Variants in GABRA3 observed in about 807,000 individuals in gnomAD.
GABRA3 encodes the protein gamma-aminobutyric acid receptor subunit alpha-3.
A neutral mutation model predicts 30.1 loss-of-function variants in GABRA3; 10 were observed. That is an observed-to-expected ratio of 0.33 (90% CI 0.20 to 0.56). The LOEUF (loss-of-function observed/expected upper bound fraction) is 0.56, where lower values mean the gene tolerates loss of function less well. GABRA3 is among the 20% of genes least tolerant of loss of function. The pLI, the probability that GABRA3 is intolerant of heterozygous loss-of-function variation, is 0.89. For synonymous variants in GABRA3, 151 were observed against 146.8 expected (o/e 1.03, Z -0.21); for missense variants, 233 against 392.0 (o/e 0.59, Z 3.42).
intron 1 of GABRA3, among the ~76,000 whole-genome samples, chrX:152,398,038 T>A (rs916245376): frequency 1.8e-5 from 2 of 111,692 alleles, no homozygotes; most frequent in Non-Finnish European, 3.8e-5. Flanking sequence ...TGACTTTAGT[T>A]ATAATCTCTT....
intron 1 of GABRA3, among the ~76,000 whole-genome samples, chrX:152,430,561 C>T (rs1230045032): frequency 9.0e-6 from 1 of 111,426 alleles, no homozygotes; most frequent in African/African-American, 3.3e-5. Context: ...GCCTCAAAAA[C>T]TTGACCTTTG....
chrX:152,253,632 T>A (rs962348439), intron 5 of GABRA3, among the ~76,000 whole-genome samples: 1 of 111,978 alleles, frequency 8.9e-6, no homozygotes, highest in African/African-American at 3.2e-5. Flanking sequence ...CTATTTCAGC[T>A]GTTTCTTAAT....
At chrX:152,232,718 C>A (rs1236576680) in intron 5 of GABRA3, among the ~76,000 whole-genome samples, 1 of 107,185 alleles carries the variant, frequency 9.3e-6, no homozygotes, top group Non-Finnish European at 1.9e-5. Context: ...TCCAATCATC[C>A]ATTAATGTAC....
At chrX:152,414,438 C>T (rs772827426) in intron 1 of GABRA3, among the ~76,000 whole-genome samples, 2 of 111,105 alleles carry the variant, frequency 1.8e-5, no homozygotes, top group East Asian at 2.8e-4. Context: ...ATAAGATTCT[C>T]GGCATCACAT....
At chrX:152,245,422 C>A (rs1938447480) in intron 5 of GABRA3, among the ~76,000 whole-genome samples, 1 of 111,129 alleles carries the variant, frequency 9.0e-6, no homozygotes. Flanking sequence ...AACCAAGCAG[C>A]ACATTAGTCA....
intron 6 of GABRA3, among the ~76,000 whole-genome samples, chrX:152,211,442 T>C (rs756534862): frequency 9.0e-6 from 1 of 111,059 alleles, no homozygotes; most frequent in South Asian, 3.8e-4. Flanking sequence ...GGCAATAATA[T>C]ATGGGAACAG....
rs187888142 is a variant in GABRA3, at chrX:152,418,267, A to T, written c.-27+32879T>A. 3.2e-4 allele frequency among the ~76,000 whole-genome samples: 36 copies of T among 111,403 alleles called. 1 individual carries two copies. In the East Asian group the frequency reaches 9.4e-3, roughly 29 times the overall value. On this transcript the variant is annotated intron_variant, in intron 1 of 9. Transcript: ENST00000370314. ...GAAATACATATTTAACCTAAACAAA[A>T]TTTACTGTTGAATGGGCCATGAAGC...
intron 4 of GABRA3, among the ~76,000 whole-genome samples, chrX:152,268,371 A>G (rs1042813328): frequency 9.0e-6 from 1 of 111,707 alleles, no homozygotes; most frequent in African/African-American, 3.3e-5. Context: ...TTCATGAGAT[A>G]AGATGGTTTT....
At chrX:152,391,501 A>G (rs770662773) in intron 1 of GABRA3, among the ~76,000 whole-genome samples, 1 of 111,510 alleles carries the variant, frequency 9.0e-6, no homozygotes, top group South Asian at 3.8e-4. Context: ...CAATGGTAGG[A>G]GACACCATGA....
intron 6 of GABRA3, among the ~76,000 whole-genome samples, chrX:152,211,778 A>G (rs1309591062): frequency 9.1e-6 from 1 of 109,801 alleles, no homozygotes; most frequent in African/African-American, 3.5e-5. Flanking sequence ...GGTGAGCACT[A>G]TTGCTCCTGC....
At chrX:152,436,254 A>G (rs1467184461) in intron 1 of GABRA3, among the ~76,000 whole-genome samples, 1 of 112,251 alleles carries the variant, frequency 8.9e-6, no homozygotes, top group Non-Finnish European at 1.9e-5. Flanking sequence ...TTTTAAATGA[A>G]GAACAAAGTT....
chrX:152,238,784 G>A (rs1938288615), intron 5 of GABRA3, among the ~76,000 whole-genome samples: 1 of 107,885 alleles, frequency 9.3e-6, no homozygotes, highest in Non-Finnish European at 1.9e-5. Flanking sequence ...TTTGCATAGA[G>A]GTGTTTGTAG....
intron 5 of GABRA3, among the ~76,000 whole-genome samples, chrX:152,241,108 T>A (rs1186978817): frequency 9.3e-6 from 1 of 107,006 alleles, no homozygotes; most frequent in Non-Finnish European, 1.9e-5. Flanking sequence ...TCTGTTCTGT[T>A]TTTTCCCCAT....
chrX:152,416,182 T>C (rs1177554606), intron 1 of GABRA3, among the ~76,000 whole-genome samples: 3 of 97,092 alleles, frequency 3.1e-5, no homozygotes, highest in Admixed American at 2.3e-4. Flanking sequence ...AGTCTCAGGA[T>C]ACAAAATCAA....
chrX:152,279,059 T>C (rs1468698345), intron 4 of GABRA3, among the ~76,000 whole-genome samples: 12 of 111,979 alleles, frequency 1.1e-4, no homozygotes, highest in African/African-American at 3.9e-4. Context: ...ATTCTGTAGG[T>C]TGCCTGTTCA....
intron 4 of GABRA3, 26 bp downstream of exon 4, chrX:152,284,642 T>C (rs1569382373): frequency 1.8e-6 from 2 of 1,100,942 alleles, no homozygotes; most frequent in Admixed American, 4.6e-5. Context: ...GCATCCTCTT[T>C]TACATTTACC....
chrX:152,240,928 C>A (rs1938349295), intron 5 of GABRA3, among the ~76,000 whole-genome samples: 1 of 92,846 alleles, frequency 1.1e-5, no homozygotes, highest in African/African-American at 4.1e-5. Flanking sequence ...AACTTCTTTG[C>A]CTTTGGTTTG....
intron 3 of GABRA3, among the ~76,000 whole-genome samples, chrX:152,306,390 C>G (rs1444598477): frequency 8.9e-6 from 1 of 112,157 alleles, no homozygotes; most frequent in Non-Finnish European, 1.9e-5. Context: ...ATAAGAATGT[C>G]CATTTAGTGT....
chrX:152,391,955 A>G (rs1036649415), intron 1 of GABRA3, among the ~76,000 whole-genome samples: 8 of 112,125 alleles, frequency 7.1e-5, no homozygotes, highest in African/African-American at 2.3e-4. Context: ...AGCATTCTAC[A>G]TGTGCATCTT....
Sources: gnomAD v4.1 joint callset for allele counts (sites outside exome capture counted in the v4.1 genomes callset) on GRCh38, gnomAD v4.1.1 for gene constraint, MANE v1.5 for transcripts, NCBI Gene and HGNC (gene_info 2026-07-23, HGNC 2026-07-21) for gene names.